Variants in TRAF7 observed in about 807,000 individuals in gnomAD.
TRAF7 encodes TNF receptor associated factor 7.
In TRAF7, 45 loss-of-function variants were observed where a neutral mutation model predicts 89.3. That is an observed-to-expected ratio of 0.50 (90% CI 0.40 to 0.65). The LOEUF (loss-of-function observed/expected upper bound fraction) is 0.65. Ranked by LOEUF, TRAF7 falls within the 30% of genes least tolerant of loss-of-function variation. The pLI is 0.00. For missense variants in TRAF7, 677 were observed against 918.1 expected, an observed-to-expected ratio of 0.74 and a Z score of 3.39; for synonymous variants, 406 against 369.2, an observed-to-expected ratio of 1.10 and a Z score of -1.14.
At chr16:2,171,463 C>G in intron 6 of TRAF7, 107 bp downstream of exon 6, 1 of 1,563,964 alleles carries the variant, frequency 6.4e-7, no homozygotes, top group East Asian at 2.4e-5. Flanking sequence ...CAAGGCCTGT[C>G]CTGGCTGCAC....
chr16:2,164,138 TGGTGTGTGTGTGTGTGTGTGTGCGCGC>T (rs2093068654), intron 2 of TRAF7, 137 bp downstream of exon 2: 1 of 570,714 alleles, frequency 1.8e-6, no homozygotes, highest in Non-Finnish European at 2.9e-6. Context: ...GGGGGGGGTG[TGGTGTGTGTGTGTGTGTGTGTGCGCGC>T]GCGCGCGCGC....
chr16:2,175,058 GTCA>G, intron 14 of TRAF7, 50 bp from the exon 15 acceptor site: 1 of 1,612,620 alleles, frequency 6.2e-7, no homozygotes, highest in South Asian at 1.1e-5. Context: ...CCAGGGCGGT[GTCA>G]GCATGGACAC....
chr16:2,175,766 C>T (rs2093133085), intron 17 of TRAF7, 68 bp from the exon 18 acceptor site: 3 of 1,601,916 alleles, frequency 1.9e-6, no homozygotes, highest in African/African-American at 2.7e-5. Flanking sequence ...TGCTGAAGCC[C>T]TGGGGGTGCG....
rs1190119051 is a variant in TRAF7, at chr16:2,163,120, G to A, written c.-38-763G>A. Among the ~76,000 whole-genome samples the A allele has an allele frequency of 1.3e-5, 2 of 152,206 alleles. No homozygotes were observed. The highest frequency in any genetic ancestry group is 1.9e-4 in the East Asian group (1 of 5,174). On this transcript the variant is annotated intron_variant, in intron 1 of 20. Coordinates refer to ENST00000326181, the MANE Select transcript of TRAF7 (RefSeq NM_032271.3). The surrounding 1 kb of genome is among the most constrained non-coding windows in gnomAD (Gnocchi z 4.3). Reference sequence around the variant, plus strand: ...CCTGGCCAGCACTCCCAGCACCCACGGAGGGGCCACGTCTCCCCCAGGCCC... The same window carrying A: ...CCTGGCCAGCACTCCCAGCACCCACAGAGGGGCCACGTCTCCCCCAGGCCC...
chr16:2,176,253 A>G lies in TRAF7; in HGVS notation c.1879-12A>G, dbSNP rs200677896. ...GAGCTCCGGCGGGCCCTCACGTCCC[A>G]TGTGCCCCCAGGTCTGGAGTATGGA... is the stretch of plus-strand genomic sequence containing the variant. On this transcript the variant is annotated splice_polypyrimidine_tract_variant and intron_variant, in intron 19 of 20. Coordinates refer to ENST00000326181, the MANE Select transcript of TRAF7 (RefSeq NM_032271.3). 17 of 1,600,872 alleles carry G rather than the reference A, an allele frequency of 1.1e-5. No homozygotes were observed. Among genetic ancestry groups the G allele is most frequent in the African/African-American group, 2.7e-5 (2 of 74,898 alleles).
At chr16:2,156,343 C>A (rs1331376830) in intron 1 of TRAF7, among the ~76,000 whole-genome samples, 1 of 152,170 alleles carries the variant, frequency 6.6e-6, no homozygotes, top group Admixed American at 6.5e-5. Context: ...AAACACCACC[C>A]CTTCCTCAAT....
intron 11 of TRAF7, 35 bp downstream of exon 11, chr16:2,173,589 G>T (rs1380299313): frequency 6.2e-7 from 1 of 1,607,176 alleles, no homozygotes; most frequent in Admixed American, 1.7e-5. Flanking sequence ...TGGGTTGTGA[G>T]ACCCGGGGAG....
rs1567245655 is a variant in TRAF7 at position 2,161,276 on chromosome 16, C to A, written c.-38-2607C>A. ...CCCTCCTTCCGTCCCCCTCAGCTGG[C>A]GCTCGATGGGGTCTTGCGCACACCC... On this transcript the variant is annotated intron_variant, in intron 1 of 20. Transcript: ENST00000326181. This position sits in a 1 kb window ranked among gnomAD's most constrained non-coding sequence, Gnocchi z 5.2. Among the ~76,000 whole-genome samples the A allele has an allele frequency of 6.7e-6, 1 of 149,782 alleles. No individual in the cohort carries two copies. Among genetic ancestry groups the A allele is most frequent in the Non-Finnish European group, 1.5e-5 (1 of 67,320 alleles).
Position 2,163,749 on chromosome 16 carries a change from G to A in TRAF7, c.-38-134G>A, listed in dbSNP as rs1238395349. The A allele has an allele frequency of 1.9e-5, 12 of 646,590 alleles. No individual in the cohort carries two copies. The highest frequency in any genetic ancestry group is 5.3e-5 in the South Asian group (3 of 57,132). 40.1% of individuals were successfully genotyped at this position (646,590 alleles called of 1,614,324 possible). On this transcript the variant is annotated intron_variant, in intron 1 of 20. Transcript: ENST00000326181. This position sits in a 1 kb window ranked among gnomAD's most constrained non-coding sequence, Gnocchi z 4.3. ...TGCCTCCTAGAGGCCTGCCTGAGCC[G>A]GGGCTGGTGGTGGAAGGCTGCTGCG...
At chr16:2,156,013 GGGGTCA>G (rs1426488717) in intron 1 of TRAF7, among the ~76,000 whole-genome samples, 155 bp downstream of exon 1, 35 of 151,200 alleles carry the variant, frequency 2.3e-4, no homozygotes, top group African/African-American at 7.0e-4. Context: ...GGTCGGGGTC[GGGGTCA>G]GGGTCGGGGT....
intron 1 of TRAF7, among the ~76,000 whole-genome samples, 188 bp downstream of exon 1, chr16:2,156,046 C>T (rs1334043571): frequency 1.3e-5 from 2 of 151,948 alleles, no homozygotes; most frequent in East Asian, 3.9e-4. Flanking sequence ...CGCTGTCCGT[C>T]CGCCAGTCAG....
intron 5 of TRAF7, among the ~76,000 whole-genome samples, chr16:2,170,948 C>T (rs553618471): frequency 5.3e-5 from 8 of 152,330 alleles, no homozygotes; most frequent in African/African-American, 1.9e-4. Flanking sequence ...CAGGGCTGCC[C>T]GGGAACTGGC....
At chr16:2,165,217 C>T (rs909326488) in intron 2 of TRAF7, among the ~76,000 whole-genome samples, 3 of 139,208 alleles carry the variant, frequency 2.2e-5, no homozygotes, top group Admixed American at 7.1e-5. Flanking sequence ...CTGGCCTGGT[C>T]GCATGGTTAA....
chr16:2,158,149 G>C lies in TRAF7; in HGVS notation c.-39+2291G>C, dbSNP rs868758097. 6.6e-6 allele frequency among the ~76,000 whole-genome samples: 1 copy of C among 152,192 alleles called. No homozygotes were observed. The highest frequency in any genetic ancestry group is 2.1e-4 in the South Asian group (1 of 4,832). On this transcript the variant is annotated intron_variant, in intron 1 of 20. Transcript: ENST00000326181. This position sits in a 1 kb window ranked among gnomAD's most constrained non-coding sequence, Gnocchi z 4.7. ...CCCTGCGGGGTCAGGGAGGGCATGT[G>C]GGGAGGGCCGAGAGCTGTTGGCTGC...
In TRAF7 at chr16:2,168,918, C is replaced by T. The variant is rs1406287645; in HGVS notation, c.231+750C>T. On this transcript the variant is annotated intron_variant, in intron 4 of 20. Coordinates refer to ENST00000326181, the MANE Select transcript of TRAF7 (RefSeq NM_032271.3). This position sits in a 1 kb window ranked among gnomAD's most constrained non-coding sequence, Gnocchi z 4.1. ...TGGGGCCTCTCTGGCAGCTGCCTCT[C>T]TCCAGTGCTTGGACACCAGGTGTGG... 6.6e-6 allele frequency among the ~76,000 whole-genome samples: 1 copy of T among 152,188 alleles called. No homozygotes were observed. Among genetic ancestry groups the T allele is most frequent in the African/African-American group, 2.4e-5 (1 of 41,444 alleles).
In TRAF7 at chr16:2,172,525, C is replaced by G. The variant is rs752183367; in HGVS notation, c.720C>G (p.Pro240=). The change falls in exon 9 of 21, where the codon CCC becomes CCG. Residue 240 remains proline (P), a synonymous_variant. Coordinates refer to ENST00000326181, the MANE Select transcript of TRAF7 (RefSeq NM_032271.3). ...GGTGTCCCAACAACCCCAGCTGCCC[C>G]CCGCTGCTCAGGATGAACCTGGAGG... is the stretch of plus-strand genomic sequence containing the variant. The part of the protein sequence containing the change: ...PVRCPNNPSC[P]PLLRMNLEAH... 22 of 1,594,024 alleles carry G rather than the reference C, an allele frequency of 1.4e-5. No individual in the cohort carries two copies. Among genetic ancestry groups the G allele is most frequent in the Non-Finnish European group, 1.6e-5 (19 of 1,171,144 alleles).
At position 2,175,317 on chromosome 16, in the gene TRAF7, A is replaced by G; in HGVS notation, c.1403A>G (p.Asn468Ser). 6.2e-7 allele frequency: 1 copy of G among 1,613,372 alleles called. No individual in the cohort carries two copies. The highest frequency in any genetic ancestry group is 8.5e-7 in the Non-Finnish European group (1 of 1,179,946). ...DCTIIVWDIQ[N>S]LQKVNTIRAH... ...CCCAATCAGGTGTGGGACATCCAGA[A>G]CCTGCAGAAGGTGAACACCATCCGG... The change falls in exon 16 of 21, where the codon AAC (asparagine) becomes AGC (serine). Residue 468 changes from asparagine to serine, a missense_variant. Transcript: ENST00000326181.
In TRAF7 at chr16:2,170,614, C is replaced by G; in HGVS notation, c.232C>G (p.Pro78Ala). ...GACAGGCGCCTCTCCCTCCACACAG[C>G]CCCCCATCAGCACTCCCCGCCGCTC... ...YSPRDEEDSMPPISTPRRSDS... is the reference protein window; with the variant it reads ...YSPRDEEDSMAPISTPRRSDS... Residue 78 changes from proline (P) to alanine (A), a missense_variant and splice_region_variant, in exon 5 of 21, where the codon CCC (proline) becomes GCC (alanine). By Grantham distance (27) the Pro-to-Ala change is conservative (BLOSUM62 -1). Coordinates refer to ENST00000326181, the MANE Select transcript of TRAF7 (RefSeq NM_032271.3). The G allele has an allele frequency of 6.2e-7, 1 of 1,607,960 alleles. No individual in the cohort carries two copies. The highest frequency in any genetic ancestry group is 8.5e-7 in the Non-Finnish European group (1 of 1,177,650).
At chr16:2,167,691 G>GC (rs1362156422) in intron 3 of TRAF7, among the ~76,000 whole-genome samples, 1 of 152,202 alleles carries the variant, frequency 6.6e-6, no homozygotes, top group Non-Finnish European at 1.5e-5. Flanking sequence ...GGCACCCCCA[G>GC]CTGCTGCCAG....
Sources: allele counts gnomAD v4.1 joint callset (sites outside exome capture counted in the v4.1 genomes callset), GRCh38; gene constraint gnomAD v4.1.1; non-coding constraint Gnocchi (gnomAD v3.1); transcripts MANE v1.5; gene names NCBI Gene and HGNC (gene_info 2026-07-23, HGNC 2026-07-21).